Variants in ABHD2 observed in about 807,000 individuals in gnomAD.
ABHD2 encodes abhydrolase domain containing 2, acylglycerol lipase.
Under a neutral mutation model 48.1 loss-of-function variants are expected in ABHD2, and 20 were observed. The observed-to-expected ratio is 0.42, with a 90% CI of 0.29 to 0.60. The LOEUF is 0.60. ABHD2 is among the 20% of genes least tolerant of loss of function. ABHD2 has a pLI of 0.24. For synonymous variants in ABHD2, 209 were observed against 214.2 expected (o/e 0.98, Z 0.21); for missense variants, 405 against 550.9 (o/e 0.74, Z 2.65).
intron 3 of ABHD2, among the ~76,000 whole-genome samples, chr15:89,141,292 C>G (rs1326215077): frequency 2.0e-5 from 3 of 152,136 alleles, no homozygotes; most frequent in Non-Finnish European, 4.4e-5. Flanking sequence ...GACAGTTTCG[C>G]CTTTTAACTT....
rs71464446 is a variant in ABHD2 at position 89,127,706 on chromosome 15, C to CATATATATATATATATATATATATATAT, written c.194+11198_194+11199insTATATATATATATATATATATATATATA. Among the ~76,000 whole-genome samples, 17 of 129,890 alleles carry CATATATATATATATATATATATATATAT rather than the reference C, an allele frequency of 1.3e-4. 1 individual carries two copies. Among genetic ancestry groups the CATATATATATATATATATATATATATAT allele is most frequent in the African/African-American group, 6.1e-4 (17 of 27,932 alleles). The allele number at this position is 129,890 out of a possible 152,430, so 85.2% of individuals were successfully genotyped here. A position where few individuals can be genotyped will look rare whatever the true frequency, so the allele number is the denominator to read the frequency against. ...TCTTCTCAGTGAATATATATATATACATATATATATATACACATATATATA... is the reference window on the plus strand; with the variant it reads ...TCTTCTCAGTGAATATATATATATACATATATATATATATATATATATATATATATATATATATATACACATATATATA... On this transcript the variant is annotated intron_variant, in intron 3 of 10. Transcript: ENST00000352732.
chr15:89,081,136 A>G, the ABHD2 span, among the ~76,000 whole-genome samples: 1 of 148,386 alleles, frequency 6.7e-6, no homozygotes, highest in Non-Finnish European at 1.5e-5. Flanking sequence ...AGTAGATGGG[A>G]CTACAGGAGC....
rs2050777260 is a variant in ABHD2 at position 89,162,482 on chromosome 15, C to T, written c.538+6948C>T. The stretch of plus-strand genomic sequence containing the variant: ...CTCTCTGGATCCCCAGGACATACTG[C>T]AGTCCACCATCAGGCCCCCTATTCC... On this transcript the variant is annotated intron_variant, in intron 5 of 10. Coordinates refer to ENST00000352732, the MANE Select transcript of ABHD2 (RefSeq NM_152924.5). 2.0e-5 allele frequency among the ~76,000 whole-genome samples: 3 copies of T among 152,130 alleles called. No homozygotes were observed. In the South Asian group the frequency reaches 6.2e-4, roughly 31 times the overall value.
intron 5 of ABHD2, among the ~76,000 whole-genome samples, chr15:89,165,586 T>TA (rs889479582): frequency 6.0e-4 from 89 of 147,978 alleles, no homozygotes; most frequent in East Asian, 2.9e-3. Flanking sequence ...TCCTTGTCTC[T>TA]AAAAAAAAAA....
chr15:89,065,875 G>C, the ABHD2 span, among the ~76,000 whole-genome samples: 2 of 152,144 alleles, frequency 1.3e-5, no homozygotes, highest in African/African-American at 4.8e-5. Context: ...TGGAATCTGA[G>C]GCTAGTATAC....
rs1901457972 is a variant in ABHD2, at chr15:89,088,596, G to A, written c.-107+33G>A. 6.6e-6 allele frequency: 1 copy of A among 152,350 alleles called. No homozygotes were observed. The highest frequency in any genetic ancestry group is 2.4e-5 in the African/African-American group (1 of 41,464). The allele number at this position is 152,350 out of a possible 1,614,324, so 9.4% of individuals were successfully genotyped here. A position where few individuals can be genotyped will look rare whatever the true frequency, so the allele number is the denominator to read the frequency against. On this transcript the variant is annotated intron_variant, in intron 1 of 10. Coordinates refer to ENST00000352732, the MANE Select transcript of ABHD2 (RefSeq NM_152924.5). This position sits in a 1 kb window ranked among gnomAD's most constrained non-coding sequence, Gnocchi z 6.8. ...CACGGCCGAGCGAGCTCCGCGGAGC[G>A]GGGATCGCACCCCGGACCCGTCGAA...
At chr15:89,113,353 T>G (rs1176030153) in intron 1 of ABHD2, among the ~76,000 whole-genome samples, 1 of 152,240 alleles carries the variant, frequency 6.6e-6, no homozygotes, top group Non-Finnish European at 1.5e-5. Flanking sequence ...CTGTGCTGTC[T>G]CGATCTCAAG....
At chr15:89,111,981 A>T (rs532041681) in intron 1 of ABHD2, among the ~76,000 whole-genome samples, 1 of 152,038 alleles carries the variant, frequency 6.6e-6, no homozygotes, top group African/African-American at 2.4e-5. Flanking sequence ...TCAAATATTC[A>T]GTCAACACAG....
intron 3 of ABHD2, among the ~76,000 whole-genome samples, chr15:89,118,467 C>T (rs923484266): frequency 3.9e-5 from 6 of 152,104 alleles, no homozygotes; most frequent in East Asian, 3.8e-4. Context: ...CCACGGCGCT[C>T]GGCCTGAATT....
intron 3 of ABHD2, among the ~76,000 whole-genome samples, chr15:89,145,543 A>C (rs1367421570): frequency 6.6e-6 from 1 of 152,164 alleles, no homozygotes; most frequent in African/African-American, 2.4e-5. Flanking sequence ...CAGGGCAGTA[A>C]AGAAGCCTCT....
Position 89,151,323 on chromosome 15 carries a change from A to G in ABHD2, c.195-354A>G, listed in dbSNP as rs1206032104. Reference sequence around the variant, plus strand: ...TTTCATATACATCAGCTCCTTTAATAATGAGCTAACCTGTCAAGTTAGAAT... The same window carrying G: ...TTTCATATACATCAGCTCCTTTAATGATGAGCTAACCTGTCAAGTTAGAAT... On this transcript the variant is annotated intron_variant, in intron 3 of 10. Coordinates refer to ENST00000352732, the MANE Select transcript of ABHD2 (RefSeq NM_152924.5). This position sits in a 1 kb window ranked among gnomAD's most constrained non-coding sequence, Gnocchi z 4.7. 1.3e-5 allele frequency among the ~76,000 whole-genome samples: 2 copies of G among 152,226 alleles called. No individual in the cohort carries two copies. Among genetic ancestry groups the G allele is most frequent in the East Asian group, 1.9e-4 (1 of 5,206 alleles).
intron 4 of ABHD2, among the ~76,000 whole-genome samples, chr15:89,153,674 C>T (rs574857494): frequency 1.3e-5 from 2 of 152,256 alleles, no homozygotes; most frequent in Non-Finnish European, 2.9e-5. Context: ...AGCTCTTTTT[C>T]ACCTTTTCTG....
rs1299431231 is a variant in ABHD2, at chr15:89,155,312, C to T, written c.371-55C>T. 6.4e-7 allele frequency: 1 copy of T among 1,555,298 alleles called. No homozygotes were observed. Among genetic ancestry groups the T allele is most frequent in the African/African-American group, 1.4e-5 (1 of 73,750 alleles). ...TAGACCAGTGAAGTGTAATTATGTC[C>T]ATTTATCATGTCACATTTCTTGGAT... On this transcript the variant is annotated intron_variant, in intron 4 of 10. Transcript: ENST00000352732. The surrounding 1 kb of genome is among the most constrained non-coding windows in gnomAD (Gnocchi z 4.9).
intron 5 of ABHD2, among the ~76,000 whole-genome samples, chr15:89,170,631 G>A (rs974304335): frequency 3.3e-5 from 5 of 152,132 alleles, no homozygotes; most frequent in African/African-American, 1.2e-4. Flanking sequence ...GCCTTCCAAG[G>A]CCTATACCAA....
the ABHD2 span, among the ~76,000 whole-genome samples, chr15:89,070,543 A>G: frequency 2.6e-5 from 4 of 152,176 alleles, no homozygotes; most frequent in South Asian, 4.1e-4. Context: ...TCAGCCCTCC[A>G]CATACCCCAT....
chr15:89,125,044 G>A (rs563588118), intron 3 of ABHD2, among the ~76,000 whole-genome samples: 2 of 151,944 alleles, frequency 1.3e-5, no homozygotes, highest in Admixed American at 6.5e-5. Context: ...AGCTGAGATC[G>A]TGCCATTGCA....
At chr15:89,139,023 C>G (rs575828294) in intron 3 of ABHD2, among the ~76,000 whole-genome samples, 4,579 of 151,684 alleles carry the variant, frequency 0.03, 230 homozygotes, top group African/African-American at 0.1. Flanking sequence ...CAAGACCAGC[C>G]CTGGCGACAT....
At chr15:89,121,464 T>C (rs1436141993) in intron 3 of ABHD2, among the ~76,000 whole-genome samples, 1 of 152,192 alleles carries the variant, frequency 6.6e-6, no homozygotes, top group Middle Eastern at 3.4e-3. Flanking sequence ...TTGGCTTTTT[T>C]TTTTTTAAGT....
At chr15:89,162,491 A>T (rs1389699708) in intron 5 of ABHD2, among the ~76,000 whole-genome samples, 7 of 152,098 alleles carry the variant, frequency 4.6e-5, no homozygotes, top group Non-Finnish European at 8.8e-5. Flanking sequence ...GCAGTCCACC[A>T]TCAGGCCCCC....
Sources: gnomAD v4.1 joint callset for allele counts (sites outside exome capture counted in the v4.1 genomes callset) on GRCh38, gnomAD v4.1.1 for gene constraint, Gnocchi (gnomAD v3.1) non-coding constraint, MANE v1.5 for transcripts, NCBI Gene and HGNC (gene_info 2026-07-23, HGNC 2026-07-21) for gene names.